Variants in NFYC observed in about 807,000 individuals in gnomAD.
NFYC encodes the protein CAAT box DNA-binding protein subunit C.
A neutral mutation model predicts 53.1 loss-of-function variants in NFYC; 25 were observed. The ratio of observed to expected loss-of-function variants is 0.47; its 90% confidence interval spans 0.34 to 0.66. The LOEUF is 0.66. Among genes scored for constraint, NFYC ranks in the 30% least tolerant of loss-of-function variants. The probability of loss-of-function intolerance (pLI) is 0.01; values close to 1 mark genes in which losing one functional copy is unlikely to be tolerated. For missense variants in NFYC, 260 were observed against 422.7 expected, an observed-to-expected ratio of 0.62 and a Z score of 3.38; for synonymous variants, 145 against 152.6, an observed-to-expected ratio of 0.95 and a Z score of 0.37.
intron 1 of NFYC, among the ~76,000 whole-genome samples, chr1:40,701,681 C>G (rs1643443072): frequency 6.6e-6 from 1 of 152,240 alleles, no homozygotes; most frequent in Non-Finnish European, 1.5e-5. Context: ...CCTATTTTAA[C>G]TTTCCTGTTT....
At chr1:40,727,194 G>C (rs987969151) in intron 1 of NFYC, among the ~76,000 whole-genome samples, 5 of 151,982 alleles carry the variant, frequency 3.3e-5, no homozygotes, top group Admixed American at 6.6e-5. Flanking sequence ...ATTTTGAATG[G>C]CTTTTTTTGT....
chr1:40,729,327 A>G (rs1168093543), intron 1 of NFYC, among the ~76,000 whole-genome samples: 1 of 152,246 alleles, frequency 6.6e-6, no homozygotes, highest in Non-Finnish European at 1.5e-5. Flanking sequence ...CAGCTTCTAC[A>G]TTAGCACTTG....
At chr1:40,753,745 A>G (rs956062060) in intron 5 of NFYC, among the ~76,000 whole-genome samples, 2 of 152,296 alleles carry the variant, frequency 1.3e-5, no homozygotes, top group South Asian at 2.1e-4. Flanking sequence ...CCAGGCTCTA[A>G]CCCACATCAG....
intron 1 of NFYC, among the ~76,000 whole-genome samples, chr1:40,734,160 C>CT (rs1385539730): frequency 6.6e-6 from 1 of 152,120 alleles, no homozygotes; most frequent in Non-Finnish European, 1.5e-5. Context: ...GGATTACAGA[C>CT]ATAAGCCACA....
intron 8 of NFYC, chr1:40,769,052 G>C: frequency 3.0e-6 from 1 of 333,854 alleles, no homozygotes; most frequent in South Asian, 3.0e-5. Context: ...CATGTGTTCT[G>C]TTTGAGCCTC....
At chr1:40,758,060 C>CTTCCCCCAAACCA in intron 5 of NFYC, 61 bp from the exon 6 acceptor site, 1 of 1,585,514 alleles carries the variant, frequency 6.3e-7, no homozygotes, top group Non-Finnish European at 8.6e-7. Context: ...AGTGGAAATT[C>CTTCCCCCAAACCA]ACTGTGGCGG....
intron 1 of NFYC, among the ~76,000 whole-genome samples, chr1:40,713,554 T>C (rs375952798): frequency 6.6e-6 from 1 of 152,346 alleles, no homozygotes. Context: ...TTTTTGCCTA[T>C]CCTTATTACT....
At chr1:40,714,728 C>T (rs1382451843) in intron 1 of NFYC, among the ~76,000 whole-genome samples, 2 of 151,162 alleles carry the variant, frequency 1.3e-5, no homozygotes, top group African/African-American at 4.9e-5. Flanking sequence ...AGTCCTCCCA[C>T]CTCAGCCTCC....
intron 1 of NFYC, chr1:40,695,737 CT>C (rs1643097509): frequency 6.6e-6 from 1 of 152,062 alleles, no homozygotes; most frequent in Admixed American, 6.6e-5. Context: ...TGCTGGGTGT[CT>C]TTTTGAGGTA....
At chr1:40,750,360 C>T (rs560492923) in intron 4 of NFYC, among the ~76,000 whole-genome samples, 2 of 152,294 alleles carry the variant, frequency 1.3e-5, no homozygotes, top group Non-Finnish European at 2.9e-5. Context: ...AAATTATTTT[C>T]TCTTCTTGTT....
chr1:40,699,024 C>A (rs779715353), intron 1 of NFYC, among the ~76,000 whole-genome samples: 4 of 151,868 alleles, frequency 2.6e-5, no homozygotes, highest in Non-Finnish European at 4.4e-5. Flanking sequence ...ATTAGCTGGG[C>A]GTGGTGGTGG....
chr1:40,767,949 C>T lies in NFYC; in HGVS notation c.828+1246C>T, dbSNP rs1646903318. On this transcript the variant is annotated intron_variant, in intron 8 of 9. Coordinates refer to ENST00000447388, the MANE Select transcript of NFYC (RefSeq NM_014223.5). ...TGAGATTGTGCCACTGCACTCCAGC[C>T]TGGGCGACAGAGTGAGACTCTGTCT... Among the ~76,000 whole-genome samples the T allele has an allele frequency of 2.6e-5, 4 of 152,134 alleles. No homozygotes were observed. In the South Asian group the frequency reaches 6.2e-4, roughly 24 times the overall value.
intron 2 of NFYC, among the ~76,000 whole-genome samples, chr1:40,739,753 A>G (rs1570561785): frequency 6.6e-6 from 1 of 152,244 alleles, no homozygotes; most frequent in Admixed American, 6.5e-5. Flanking sequence ...TGAAGCAGTA[A>G]AAGTCAAGGA....
chr1:40,763,787 C>T (rs535722056), intron 7 of NFYC, among the ~76,000 whole-genome samples: 11 of 152,334 alleles, frequency 7.2e-5, no homozygotes, highest in Admixed American at 5.9e-4. Context: ...CACGATTGGG[C>T]GGCTTCTCTC....
At chr1:40,756,210 G>A (rs1399898703) in intron 5 of NFYC, among the ~76,000 whole-genome samples, 7 of 152,170 alleles carry the variant, frequency 4.6e-5, no homozygotes, top group African/African-American at 1.7e-4. Flanking sequence ...GGCTGCAAAA[G>A]GTATCAGTAT....
intron 8 of NFYC, 56 bp downstream of exon 8, chr1:40,766,759 G>A: frequency 6.4e-7 from 1 of 1,559,258 alleles, no homozygotes; most frequent in East Asian, 2.2e-5. Context: ...GATGGCTTCT[G>A]ACAGGAAAGG....
chr1:40,704,081 G>GTTT (rs11296946), intron 1 of NFYC, among the ~76,000 whole-genome samples: 2 of 135,864 alleles, frequency 1.5e-5, no homozygotes, highest in Non-Finnish European at 3.2e-5. Flanking sequence ...TGATTTAAGT[G>GTTT]TTTTTTTTTT....
intron 1 of NFYC, among the ~76,000 whole-genome samples, chr1:40,737,424 G>A (rs892908353): frequency 8.6e-5 from 13 of 151,752 alleles, no homozygotes; most frequent in South Asian, 8.3e-4. Flanking sequence ...TGCCTCCTGG[G>A]TTCAAGCGAT....
intron 1 of NFYC, among the ~76,000 whole-genome samples, chr1:40,702,398 A>C (rs1643482529): frequency 6.9e-6 from 1 of 144,310 alleles, no homozygotes; most frequent in Non-Finnish European, 1.5e-5. Context: ...GCTGGAGTGC[A>C]GTGGCGTGAT....
Sources: allele counts gnomAD v4.1 joint callset (sites outside exome capture counted in the v4.1 genomes callset), GRCh38; gene constraint gnomAD v4.1.1; transcripts MANE v1.5; gene names NCBI Gene and HGNC (gene_info 2026-07-23, HGNC 2026-07-21).